GKAP1: variants seen among roughly 807,000 people sequenced by gnomAD.
GKAP1 encodes the protein G kinase-anchoring protein 1.
In GKAP1, 31 loss-of-function variants were observed where a neutral mutation model predicts 56.7. The observed-to-expected ratio is 0.55, with a 90% CI of 0.41 to 0.74. GKAP1 has a LOEUF of 0.74. GKAP1 is among the 30% of genes least tolerant of loss of function. GKAP1 has a pLI of 0.00. For synonymous variants in GKAP1, 151 were observed against 138.6 expected (o/e 1.09, Z -0.63); for missense variants, 364 against 402.3 (o/e 0.90, Z 0.82).
intron 8 of GKAP1, among the ~76,000 whole-genome samples, chr9:83,758,038 G>A (rs922918604): frequency 4.6e-5 from 7 of 152,212 alleles, no homozygotes; most frequent in Non-Finnish European, 5.9e-5. Context: ...ACAGAGCCCC[G>A]AAGGCCACAA....
intron 7 of GKAP1, among the ~76,000 whole-genome samples, chr9:83,771,529 T>C (rs938564525): frequency 1.3e-5 from 2 of 152,228 alleles, no homozygotes; most frequent in African/African-American, 4.8e-5. Flanking sequence ...GCTTACTATA[T>C]GAATGACATT....
At chr9:83,752,959 T>C (rs954656601) in intron 9 of GKAP1, among the ~76,000 whole-genome samples, 4 of 151,712 alleles carry the variant, frequency 2.6e-5, no homozygotes, top group African/African-American at 9.7e-5. Flanking sequence ...TAATCCCAGC[T>C]ACTCAGGGCA....
chr9:83,742,223 C>T (rs1943220163), intron 11 of GKAP1, among the ~76,000 whole-genome samples, 194 bp from the exon 12 acceptor site: 2 of 151,174 alleles, frequency 1.3e-5, no homozygotes, highest in South Asian at 4.2e-4. Context: ...GAGAAGAAGA[C>T]AATAAGGATG....
intron 12 of GKAP1, among the ~76,000 whole-genome samples, chr9:83,740,002 A>AT (rs991583555): frequency 6.6e-6 from 1 of 152,042 alleles, no homozygotes; most frequent in African/African-American, 2.4e-5. Context: ...CCGATATCTT[A>AT]TTTTTTTAGA....
At chr9:83,774,922 C>T (rs572009846) in intron 7 of GKAP1, among the ~76,000 whole-genome samples, 3 of 151,262 alleles carry the variant, frequency 2.0e-5, no homozygotes, top group African/African-American at 4.8e-5. Context: ...TTGGCCAGGA[C>T]GGTCTCGATC....
At chr9:83,767,231 G>A (rs1477126428) in intron 8 of GKAP1, among the ~76,000 whole-genome samples, 1 of 152,198 alleles carries the variant, frequency 6.6e-6, no homozygotes. Context: ...AGGAGAGAAA[G>A]CATCTTTTTC....
At chr9:83,778,424 C>A (rs563129660) in intron 7 of GKAP1, among the ~76,000 whole-genome samples, 6 of 152,162 alleles carry the variant, frequency 3.9e-5, no homozygotes, top group African/African-American at 1.2e-4. Context: ...ATGCCATTAT[C>A]CTTAACAAAC....
At chr9:83,763,372 T>C (rs1943607404) in intron 8 of GKAP1, among the ~76,000 whole-genome samples, 1 of 152,204 alleles carries the variant, frequency 6.6e-6, no homozygotes, top group South Asian at 2.1e-4. Flanking sequence ...TAGTATTTGA[T>C]AGCACAACAG....
chr9:83,757,577 T>C (rs1943497901), intron 8 of GKAP1, among the ~76,000 whole-genome samples: 1 of 152,158 alleles, frequency 6.6e-6, no homozygotes, highest in Non-Finnish European at 1.5e-5. Flanking sequence ...AAGGACACTG[T>C]ACTTAATTCA....
chr9:83,797,363 T>C (rs2131309719), intron 4 of GKAP1, among the ~76,000 whole-genome samples: 1 of 152,354 alleles, frequency 6.6e-6, no homozygotes, highest in South Asian at 2.1e-4. Context: ...GCTTTCTGCC[T>C]AGTATATAGT....
At chr9:83,800,913 T>C (rs1158637655) in intron 3 of GKAP1, among the ~76,000 whole-genome samples, 1 of 152,246 alleles carries the variant, frequency 6.6e-6, no homozygotes, top group African/African-American at 2.4e-5. Flanking sequence ...ATTCTGGTTC[T>C]GGGGGCTGCT....
chr9:83,803,437 T>C (rs1341553894), intron 3 of GKAP1, among the ~76,000 whole-genome samples: 2 of 152,202 alleles, frequency 1.3e-5, no homozygotes, highest in Non-Finnish European at 2.9e-5. Context: ...ACTTTTTTGG[T>C]GGAGACGGGG....
At chr9:83,800,884 C>T (rs1404551072) in intron 3 of GKAP1, among the ~76,000 whole-genome samples, 4 of 152,174 alleles carry the variant, frequency 2.6e-5, no homozygotes, top group African/African-American at 7.2e-5. Context: ...ACTGACAGCC[C>T]AGTTGTAGCT....
intron 5 of GKAP1, among the ~76,000 whole-genome samples, chr9:83,786,883 C>T (rs1944073572): frequency 1.3e-5 from 2 of 152,154 alleles, no homozygotes; most frequent in South Asian, 2.1e-4. Flanking sequence ...ATCCTTCTAG[C>T]TTTAGAATCT....
intron 7 of GKAP1, among the ~76,000 whole-genome samples, chr9:83,776,777 TTTA>T (rs1378813866): frequency 7.9e-5 from 12 of 152,250 alleles, no homozygotes; most frequent in Admixed American, 2.6e-4. Context: ...CGTATTTTTC[TTTA>T]TTCTTTATTT....
chr9:83,807,817 T>C (rs1285939928), intron 2 of GKAP1, among the ~76,000 whole-genome samples: 1 of 152,218 alleles, frequency 6.6e-6, no homozygotes, highest in Admixed American at 6.5e-5. Context: ...GAAAGGGCTA[T>C]GTAAAGGTGA....
intron 5 of GKAP1, among the ~76,000 whole-genome samples, chr9:83,785,488 C>T (rs1944049031): frequency 6.6e-6 from 1 of 152,080 alleles, no homozygotes; most frequent in Non-Finnish European, 1.5e-5. Flanking sequence ...TCTATCTTTC[C>T]ATCTCACTAC....
chr9:83,813,178 C>T (rs1386926112), intron 2 of GKAP1, among the ~76,000 whole-genome samples: 1 of 152,272 alleles, frequency 6.6e-6, no homozygotes, highest in East Asian at 1.9e-4. Flanking sequence ...CCCTCCCTCT[C>T]TATACTTTTT....
chr9:83,792,221 C>T (rs900838522), intron 4 of GKAP1, among the ~76,000 whole-genome samples: 5 of 152,118 alleles, frequency 3.3e-5, no homozygotes, highest in Admixed American at 6.5e-5. Context: ...TAGCACAGTT[C>T]CTGGCATAAG....
Sources: allele counts gnomAD v4.1 joint callset (sites outside exome capture counted in the v4.1 genomes callset), GRCh38; gene constraint gnomAD v4.1.1; transcripts MANE v1.5; gene names NCBI Gene and HGNC (gene_info 2026-07-23, HGNC 2026-07-21).